Variants in VPS37A observed in about 807,000 individuals in gnomAD.
VPS37A encodes VPS37A subunit of ESCRT-I.
Under a neutral mutation model 49.8 loss-of-function variants are expected in VPS37A, and 30 were observed. The ratio of observed to expected loss-of-function variants is 0.60; its 90% CI spans 0.45 to 0.82. The LOEUF is 0.82. VPS37A is among the 40% of genes least tolerant of loss of function. The pLI is 0.00. For missense variants in VPS37A, 593 were observed against 464.4 expected (o/e 1.28, Z -2.55); for synonymous variants, 195 against 160.6 (o/e 1.21, Z -1.62).
At chr8:17,308,029 G>C in the VPS37A span, among the ~76,000 whole-genome samples, 5 of 147,508 alleles carry the variant, frequency 3.4e-5, no homozygotes, top group Admixed American at 3.4e-4. Context: ...CTAAAACAAA[G>C]TATAATAATA....
downstream of VPS37A, chr8:17,301,860 A>G (rs1432500971): frequency 5.8e-5 from 24 of 411,390 alleles, no homozygotes; most frequent in East Asian, 7.3e-4. Flanking sequence ...CTTTCCAGAA[A>G]AAAATTAATT....
chr8:17,305,210 A>G (rs1481045121), downstream of VPS37A, among the ~76,000 whole-genome samples: 2 of 152,234 alleles, frequency 1.3e-5, no homozygotes, highest in African/African-American at 4.8e-5. Flanking sequence ...TGTATACACC[A>G]TAGTTAAAAC....
chr8:17,253,077 T>G (rs906478563), intron 1 of VPS37A, among the ~76,000 whole-genome samples: 1 of 152,192 alleles, frequency 6.6e-6, no homozygotes, highest in African/African-American at 2.4e-5. Context: ...GCTCAAGTGC[T>G]CAGTTAATTT....
chr8:17,307,037 A>T (rs1370037485), downstream of VPS37A, among the ~76,000 whole-genome samples: 4 of 152,340 alleles, frequency 2.6e-5, no homozygotes, highest in East Asian at 7.7e-4. Context: ...AAATTGACAG[A>T]TGGGATCTAA....
At chr8:17,305,129 A>G (rs1048788844), downstream of VPS37A, among the ~76,000 whole-genome samples, 3 of 152,342 alleles carry the variant, frequency 2.0e-5, no homozygotes, top group South Asian at 6.2e-4. Context: ...AGTATCCACT[A>G]CAAAAATTAA....
At position 17,289,718 on chromosome 8, in the gene VPS37A, T is replaced by C. The variant is rs115522925; in HGVS notation, c.*3291T>C. 5.3e-3 allele frequency among the ~76,000 whole-genome samples: 805 copies of C among 152,338 alleles called. 9 individuals are homozygous for C. The highest frequency in any genetic ancestry group is 0.018 in the African/African-American group (766 of 41,580). ...TCTTGGTTCCATATAAAATTTAAAG[T>C]ATTTTTTCTAATTCTGTGAAGAAAT... On this transcript the variant is annotated intron_variant, in intron 11 of 11. Coordinates refer to ENST00000324849, the MANE Select transcript of VPS37A (RefSeq NM_152415.3).
At chr8:17,321,307 C>G in the VPS37A span, among the ~76,000 whole-genome samples, 1 of 152,218 alleles carries the variant, frequency 6.6e-6, no homozygotes, top group Non-Finnish European at 1.5e-5. Flanking sequence ...GAGAATGTCC[C>G]CACGCTTCTC....
chr8:17,330,765 G>A, the VPS37A span, among the ~76,000 whole-genome samples: 1 of 152,170 alleles, frequency 6.6e-6, no homozygotes, highest in Non-Finnish European at 1.5e-5. Context: ...ATTCAGCAAG[G>A]ATCAGTTTTT....
rs906915888 is a variant in VPS37A, at chr8:17,297,379, G to C, written c.*2393G>C. 2 of 152,032 alleles carry C rather than the reference G, an allele frequency of 1.3e-5. No individual in the cohort carries two copies. Among genetic ancestry groups the C allele is most frequent in the African/African-American group, 2.4e-5 (1 of 41,420 alleles). 9.4% of individuals were successfully genotyped at this position (152,032 alleles called of 1,614,324 possible). A position where few individuals can be genotyped will look rare whatever the true frequency, so the allele number is the denominator to read the frequency against. ...ATTTATATCAGAATAGAGGGTGCTTGACACATATATATGCTTAAATTGAAG... is the reference window on the plus strand; with the variant it reads ...ATTTATATCAGAATAGAGGGTGCTTCACACATATATATGCTTAAATTGAAG... On this transcript the variant is annotated 3_prime_UTR_variant, in exon 12 of 12. Transcript: ENST00000324849.
At chr8:17,272,180 G>T (rs1343470733) in intron 4 of VPS37A, 11 of 428,772 alleles carry the variant, frequency 2.6e-5, no homozygotes, top group Non-Finnish European at 4.7e-5. Flanking sequence ...CCTCCTAACA[G>T]CCTCTTTGAG....
chr8:17,299,879 C>G (rs370812641), downstream of VPS37A: 1 of 1,613,894 alleles, frequency 6.2e-7, no homozygotes, highest in Non-Finnish European at 8.5e-7. Context: ...GTGAGAAACA[C>G]GGCTTCATCA....
chr8:17,328,574 G>T, the VPS37A span, among the ~76,000 whole-genome samples: 3 of 152,086 alleles, frequency 2.0e-5, no homozygotes, highest in South Asian at 2.1e-4. Context: ...TGGCGGGGGT[G>T]GGGGAGTGGA....
chr8:17,282,438 C>A (rs1473980236), intron 9 of VPS37A, among the ~76,000 whole-genome samples: 1 of 151,924 alleles, frequency 6.6e-6, no homozygotes, highest in Non-Finnish European at 1.5e-5. Context: ...TGGGAAAAGC[C>A]TTTCTTAGCA....
chr8:17,302,204 C>G (rs776791101), downstream of VPS37A: 6 of 1,614,022 alleles, frequency 3.7e-6, no homozygotes, highest in African/African-American at 1.3e-5. Context: ...TCTTCCTTCA[C>G]TGCCATTAGG....
chr8:17,288,265 A>C (rs1457553785), intron 11 of VPS37A, among the ~76,000 whole-genome samples: 1 of 152,190 alleles, frequency 6.6e-6, no homozygotes, highest in African/African-American at 2.4e-5. Flanking sequence ...ATACATGTGC[A>C]GAACGTACAG....
rs368005823 is a variant in VPS37A at position 17,280,366 on chromosome 8, C to G, written c.901-9C>G. The G allele has an allele frequency of 4.1e-5, 66 of 1,603,544 alleles. No homozygotes were observed. Among genetic ancestry groups the G allele is most frequent in the Non-Finnish European group, 5.5e-5 (65 of 1,177,060 alleles). On this transcript the variant is annotated splice_polypyrimidine_tract_variant and intron_variant, in intron 8 of 11. Transcript: ENST00000324849. ...TAGAATAAAACAACCTTTTCATTTT[C>G]TCTTTTAGTATGAATTACTTACACA... is the stretch of plus-strand genomic sequence containing the variant.
chr8:17,258,023 A>G (rs1241442522), intron 1 of VPS37A, among the ~76,000 whole-genome samples: 1 of 152,100 alleles, frequency 6.6e-6, no homozygotes, highest in Non-Finnish European at 1.5e-5. Context: ...CATTTCTAAC[A>G]GGTTTTTTGT....
At chr8:17,323,377 T>G in the VPS37A span, among the ~76,000 whole-genome samples, 1 of 151,988 alleles carries the variant, frequency 6.6e-6, no homozygotes, top group Non-Finnish European at 1.5e-5. Context: ...TAGAGAATAA[T>G]TAAAAGTCAA....
chr8:17,311,011 AC>A, the VPS37A span, among the ~76,000 whole-genome samples: 1 of 152,176 alleles, frequency 6.6e-6, no homozygotes, highest in Non-Finnish European at 1.5e-5. Flanking sequence ...AAGAACAACA[AC>A]AAAAGGCTGT....
Sources: allele counts gnomAD v4.1 joint callset (sites outside exome capture counted in the v4.1 genomes callset), GRCh38; gene constraint gnomAD v4.1.1; transcripts MANE v1.5; gene names NCBI Gene and HGNC (gene_info 2026-07-23, HGNC 2026-07-21).